TOGARAM1: variants seen among roughly 807,000 people sequenced by gnomAD.
TOGARAM1 encodes TOG array regulator of axonemal microtubules 1, also known as TOG array regulator of axonemal microtubules protein 1.
TOGARAM1 carries 100 observed loss-of-function variants against 166.6 expected under a neutral mutation model. The ratio of observed to expected loss-of-function variants is 0.60; its 90% CI spans 0.51 to 0.71. TOGARAM1 has a LOEUF of 0.71. Ranked by LOEUF, TOGARAM1 falls within the 30% of genes least tolerant of loss-of-function variation. The pLI is 0.00. For missense variants in TOGARAM1, 2,029 were observed against 2,102.7 expected (o/e 0.96, Z 0.69); for synonymous variants, 758 against 763.8 (o/e 0.99, Z 0.13).
At chr14:45,038,523 A>C (rs974519561) in intron 11 of TOGARAM1, among the ~76,000 whole-genome samples, 1 of 152,248 alleles carries the variant, frequency 6.6e-6, no homozygotes, top group African/African-American at 2.4e-5. Flanking sequence ...TTCCTGCTAC[A>C]GCGGGACCAG....
intron 17 of TOGARAM1, 31 bp downstream of exon 17, chr14:45,066,798 G>T: frequency 6.4e-7 from 1 of 1,571,026 alleles, no homozygotes; most frequent in African/African-American, 1.3e-5. Flanking sequence ...ATTTTAATGT[G>T]GGTATGGTGG....
intron 1 of TOGARAM1, among the ~76,000 whole-genome samples, chr14:44,992,839 G>T (rs574059643): frequency 6.6e-6 from 1 of 151,324 alleles, no homozygotes; most frequent in Non-Finnish European, 1.5e-5. Context: ...GGATGGTCTC[G>T]ATCTCCTGAC....
chr14:45,040,210 A>T (rs2138940771), intron 11 of TOGARAM1, among the ~76,000 whole-genome samples: 1 of 152,356 alleles, frequency 6.6e-6, no homozygotes, highest in African/African-American at 2.4e-5. Flanking sequence ...TAACCTATGG[A>T]TCTAAGAAGA....
chr14:44,994,184 G>A (rs187115129), intron 1 of TOGARAM1, among the ~76,000 whole-genome samples: 70 of 152,184 alleles, frequency 4.6e-4, no homozygotes, highest in East Asian at 1.9e-3. Flanking sequence ...TTGGCTCACC[G>A]CAACCTCTGT....
intron 1 of TOGARAM1, among the ~76,000 whole-genome samples, chr14:44,978,782 A>G (rs140441001): frequency 9.9e-5 from 15 of 151,896 alleles, no homozygotes; most frequent in African/African-American, 3.1e-4. Context: ...CCTGGGAGAC[A>G]AAGTGAGACC....
chr14:45,006,970 T>C (rs1216879893), intron 5 of TOGARAM1: 1 of 152,130 alleles, frequency 6.6e-6, no homozygotes, highest in African/African-American at 2.4e-5. Flanking sequence ...ATAATTATTA[T>C]ATCAGACAAG....
chr14:45,015,972 T>C (rs1198138829), intron 7 of TOGARAM1, among the ~76,000 whole-genome samples: 1 of 152,224 alleles, frequency 6.6e-6, no homozygotes, highest in East Asian at 1.9e-4. Context: ...TTTCAGTTTT[T>C]TCGTTTTTCA....
chr14:44,993,366 T>C (rs1887247976), intron 1 of TOGARAM1, among the ~76,000 whole-genome samples: 1 of 152,118 alleles, frequency 6.6e-6, no homozygotes, highest in South Asian at 2.1e-4. Context: ...CCAACCATTA[T>C]TAATATTAAA....
rs757973290 is a variant in TOGARAM1 at position 45,044,700 on chromosome 14, T to C, written c.3984T>C (p.Tyr1328=). The change falls in exon 13 of 20, where the codon TAT becomes TAC. Residue 1328 remains tyrosine, a synonymous_variant. Coordinates refer to ENST00000361462, the MANE Select transcript of TOGARAM1 (RefSeq NM_001308120.2). ...TCTGTTTAAGTGATCTTTTCACTTATTTGAAAAAGAGCATGGATCAAGAGC... is the reference window on the plus strand; with the variant it reads ...TCTGTTTAAGTGATCTTTTCACTTACTTGAAAAAGAGCATGGATCAAGAGC... ...AVVCLSDLFT[Y]LKKSMDQELD... is the part of the protein sequence containing the mutation. 1.9e-6 allele frequency: 3 copies of C among 1,614,096 alleles called. No individual in the cohort carries two copies. The highest frequency in any genetic ancestry group is 1.1e-5 in the South Asian group (1 of 91,078).
At chr14:45,065,333 C>T (rs920949742) in intron 16 of TOGARAM1, among the ~76,000 whole-genome samples, 3 of 152,092 alleles carry the variant, frequency 2.0e-5, no homozygotes, top group African/African-American at 7.2e-5. Context: ...TGCCACACTG[C>T]AGAAGAATTG....
chr14:45,006,138 T>C lies in TOGARAM1; in HGVS notation c.2775T>C (p.Asp925=). The C allele has an allele frequency of 6.2e-7, 1 of 1,614,114 alleles. No homozygotes were observed. Among genetic ancestry groups the C allele is most frequent in the Non-Finnish European group, 8.5e-7 (1 of 1,179,994 alleles). The change falls in exon 5 of 20, where the codon GAT becomes GAC. Residue 925 remains aspartate (D), a synonymous_variant. Coordinates refer to ENST00000361462, the MANE Select transcript of TOGARAM1 (RefSeq NM_001308120.2). The part of the protein sequence containing the change: ...PIPRGISLLP[D]KADLSTVGHK... ...CAAGGGGAATAAGCCTTTTGCCTGATAAAGCTGATTTAAGCACAGTGGGAC... is the reference window on the plus strand; with the variant it reads ...CAAGGGGAATAAGCCTTTTGCCTGACAAAGCTGATTTAAGCACAGTGGGAC...
intron 3 of TOGARAM1, 139 bp from the exon 4 acceptor site, chr14:45,003,922 A>C (rs1887812986): frequency 7.1e-6 from 4 of 562,886 alleles, no homozygotes; most frequent in Non-Finnish European, 1.2e-5. Context: ...AAATTAAATT[A>C]GTCCTTTACC....
chr14:45,013,774 C>G (rs978746583), intron 7 of TOGARAM1, among the ~76,000 whole-genome samples: 3 of 152,096 alleles, frequency 2.0e-5, no homozygotes, highest in Non-Finnish European at 1.5e-5. Context: ...TCAGGCTGAT[C>G]ATCCTAATCT....
intron 1 of TOGARAM1, among the ~76,000 whole-genome samples, chr14:44,966,366 G>A (rs1323016190): frequency 1.3e-5 from 2 of 151,632 alleles, no homozygotes; most frequent in African/African-American, 2.4e-5. Context: ...TCAGCTACTC[G>A]GGAGGCTGAG....
intron 3 of TOGARAM1, among the ~76,000 whole-genome samples, chr14:45,003,329 C>CT (rs1887774743): frequency 6.6e-6 from 1 of 151,312 alleles, no homozygotes; most frequent in Non-Finnish European, 1.5e-5. Context: ...AAGGGAACCC[C>CT]TAAAAGATTA....
intron 1 of TOGARAM1, among the ~76,000 whole-genome samples, chr14:44,973,240 C>T (rs1885990506): frequency 6.6e-6 from 1 of 150,898 alleles, no homozygotes; most frequent in South Asian, 2.1e-4. Flanking sequence ...TGCTGCTGCT[C>T]CTTTTTTTTT....
chr14:44,966,601 T>G (rs1885554121), intron 1 of TOGARAM1, among the ~76,000 whole-genome samples: 1 of 152,176 alleles, frequency 6.6e-6, no homozygotes, highest in Non-Finnish European at 1.5e-5. Context: ...ATATTATTTT[T>G]TGTTACTAAA....
At position 45,066,709 on chromosome 14, in the gene TOGARAM1, A is replaced by G. The variant is rs1189951511; in HGVS notation, c.4691A>G (p.Lys1564Arg). 1 of 1,613,922 alleles carries G rather than the reference A, an allele frequency of 6.2e-7. No individual in the cohort carries two copies. The highest frequency in any genetic ancestry group is 8.5e-7 in the Non-Finnish European group (1 of 1,179,830). The change falls in exon 17 of 20, where the codon AAG (lysine) becomes AGG (arginine). Residue 1564 changes from lysine (K) to arginine (R), a missense_variant. Coordinates refer to ENST00000361462, the MANE Select transcript of TOGARAM1 (RefSeq NM_001308120.2). ...TTTCGTGATCGTATTAATGGGATTAAGCAGCTTTTATCAGATACAGAAAAT... is the reference window on the plus strand; with the variant it reads ...TTTCGTGATCGTATTAATGGGATTAGGCAGCTTTTATCAGATACAGAAAAT... The part of the protein sequence containing the change: ...KDFRDRINGI[K>R]QLLSDTENNQ...
At chr14:45,009,281 G>C (rs1594650136) in intron 6 of TOGARAM1, 136 bp downstream of exon 6, 1 of 707,764 alleles carries the variant, frequency 1.4e-6, no homozygotes, top group Non-Finnish European at 2.2e-6. Context: ...AAAAGACATT[G>C]GAAATGTTTA....
Sources: gnomAD v4.1 joint callset for allele counts (sites outside exome capture counted in the v4.1 genomes callset) on GRCh38, gnomAD v4.1.1 for gene constraint, MANE v1.5 for transcripts, NCBI Gene and HGNC (gene_info 2026-07-23, HGNC 2026-07-21) for gene names.